UGGT2: variants seen among roughly 807,000 people sequenced by gnomAD.
The protein encoded by UGGT2 is UDP-glucose glycoprotein glucosyltransferase 2, also known as UDP-glucose:glycoprotein glucosyltransferase 2.
Under a neutral mutation model 192.1 loss-of-function variants are expected in UGGT2, and 180 were observed. The observed-to-expected ratio is 0.94, with a 90% CI of 0.83 to 1.06. The LOEUF is 1.06. UGGT2 is among the 50% of genes least tolerant of loss of function. UGGT2 has a pLI of 0.00. For missense variants in UGGT2, 1,849 were observed against 1,795.7 expected (o/e 1.03, Z -0.54); for synonymous variants, 580 against 591.0 (o/e 0.98, Z 0.27).
chr13:95,894,677 A>T lies in UGGT2; in HGVS notation c.2760-20T>A, dbSNP rs1186324205. The T allele has an allele frequency of 1.3e-6, 2 of 1,586,826 alleles. No individual in the cohort carries two copies. The highest frequency in any genetic ancestry group is 4.5e-5 in the East Asian group (2 of 44,598). On this transcript the variant is annotated intron_variant, in intron 23 of 38. Transcript: ENST00000376747. ...CTCATGCTAGATAAACAAGACAAAC[A>T]GTGTATGAGTTTTTTGGAAAGAGTT...
intron 23 of UGGT2, among the ~76,000 whole-genome samples, chr13:95,894,908 A>G (rs940600897): frequency 1.7e-4 from 26 of 152,170 alleles, no homozygotes; most frequent in African/African-American, 5.8e-4. Flanking sequence ...TACAATCTAT[A>G]GGAAAATGGT....
chr13:95,818,236 CCA>C (rs1885114830), intron 38 of UGGT2, among the ~76,000 whole-genome samples: 1 of 152,114 alleles, frequency 6.6e-6, no homozygotes. Flanking sequence ...TTGCTTGAGC[CCA>C]GGAGATCGAG....
intron 36 of UGGT2, among the ~76,000 whole-genome samples, chr13:95,839,624 CAT>C (rs1228689977): frequency 4.6e-5 from 7 of 152,162 alleles, no homozygotes; most frequent in South Asian, 2.1e-4. Flanking sequence ...TGTTTGGACA[CAT>C]GTTTTCAACT....
At chr13:95,821,193 T>C (rs1231431092) in intron 38 of UGGT2, among the ~76,000 whole-genome samples, 3 of 152,126 alleles carry the variant, frequency 2.0e-5, no homozygotes, top group Non-Finnish European at 4.4e-5. Flanking sequence ...TGCACTAATA[T>C]ACAGTCCCAA....
intron 7 of UGGT2, among the ~76,000 whole-genome samples, chr13:95,992,752 T>A (rs537462972): frequency 6.6e-6 from 1 of 152,092 alleles, no homozygotes; most frequent in South Asian, 2.1e-4. Flanking sequence ...AGAATGGCTA[T>A]TATCAAAAAG....
intron 36 of UGGT2, among the ~76,000 whole-genome samples, chr13:95,840,470 A>C (rs541395339): frequency 2.0e-4 from 30 of 152,356 alleles, no homozygotes; most frequent in African/African-American, 6.5e-4. Flanking sequence ...TATTAGAGAA[A>C]TGCAAATCAA....
intron 12 of UGGT2, among the ~76,000 whole-genome samples, chr13:95,968,891 C>G (rs2050676331): frequency 1.3e-5 from 2 of 152,108 alleles, no homozygotes; most frequent in Admixed American, 6.5e-5. Flanking sequence ...TTGGGTTGCT[C>G]ACACCTTGGA....
At chr13:95,889,577 C>T (rs193237420) in intron 25 of UGGT2, among the ~76,000 whole-genome samples, 2 of 152,254 alleles carry the variant, frequency 1.3e-5, no homozygotes, top group Non-Finnish European at 2.9e-5. Flanking sequence ...GTAAAATTTT[C>T]GATATCAGTA....
At chr13:96,044,380 T>C (rs191618834) in intron 1 of UGGT2, among the ~76,000 whole-genome samples, 36 of 152,318 alleles carry the variant, frequency 2.4e-4, no homozygotes, top group East Asian at 2.3e-3. Flanking sequence ...GGAAAGTTCA[T>C]AGCCCTAAAT....
At chr13:96,050,494 G>C (rs141463545) in intron 1 of UGGT2, among the ~76,000 whole-genome samples, 1,688 of 152,200 alleles carry the variant, frequency 0.011, 37 homozygotes, top group African/African-American at 0.038. Flanking sequence ...TCTAATTAAA[G>C]TAAAGAGCAT....
chr13:95,872,648 T>C (rs1891319954), intron 29 of UGGT2, among the ~76,000 whole-genome samples: 1 of 152,142 alleles, frequency 6.6e-6, no homozygotes, highest in Admixed American at 6.6e-5. Context: ...TTATTGTTTA[T>C]AAGTAATACA....
chr13:96,034,438 C>T (rs2052937104), intron 1 of UGGT2, among the ~76,000 whole-genome samples: 1 of 152,190 alleles, frequency 6.6e-6, no homozygotes, highest in Non-Finnish European at 1.5e-5. Flanking sequence ...TGTCTACATG[C>T]CTCATTCTTC....
chr13:95,861,700 A>C, intron 31 of UGGT2, among the ~76,000 whole-genome samples: 1 of 152,180 alleles, frequency 6.6e-6, no homozygotes, highest in East Asian at 1.9e-4. Context: ...TTGGGTAAAC[A>C]ACTTAAATCA....
At chr13:95,960,088 A>G (rs1036039384) in intron 12 of UGGT2, among the ~76,000 whole-genome samples, 1 of 152,234 alleles carries the variant, frequency 6.6e-6, no homozygotes, top group African/African-American at 2.4e-5. Flanking sequence ...AACTAACACC[A>G]TAAATGGTCA....
chr13:95,939,894 G>C (rs1209402195), intron 16 of UGGT2, 63 bp downstream of exon 16: 7 of 1,291,566 alleles, frequency 5.4e-6, no homozygotes, highest in Non-Finnish European at 5.4e-6. Flanking sequence ...CATGAGTAGA[G>C]ATCATGTGGT....
At position 95,854,393 on chromosome 13, in the gene UGGT2, C is replaced by A. The variant is rs142490993; in HGVS notation, c.4091G>T (p.Arg1364Leu). 6.2e-7 allele frequency: 1 copy of A among 1,613,634 alleles called. No homozygotes were observed. The highest frequency in any genetic ancestry group is 1.7e-5 in the Admixed American group (1 of 59,930). ...GAAACGATATCCATCCATTTCCCTG[C>A]GGCTATCACAAAATGGAGTATACCC... ...PYGYTPFCDS[R>L]REMDGYRFWK... Residue 1364 changes from arginine to leucine, a missense_variant, in exon 35 of 39, where the codon CGC becomes CTC. Arg to Leu is a moderately radical substitution (Grantham distance 102). Transcript: ENST00000376747.
At chr13:95,938,085 A>T (rs562414606) in intron 16 of UGGT2, among the ~76,000 whole-genome samples, 2 of 152,312 alleles carry the variant, frequency 1.3e-5, no homozygotes, top group Non-Finnish European at 2.9e-5. Context: ...ATCATGTGAG[A>T]CATGCCTTTC....
At chr13:95,995,167 T>C (rs1484063452) in intron 7 of UGGT2, among the ~76,000 whole-genome samples, 2 of 152,054 alleles carry the variant, frequency 1.3e-5, no homozygotes, top group African/African-American at 2.4e-5. Context: ...AAAGAGCTGT[T>C]ATAATTAGTA....
At chr13:95,938,391 T>C (rs551355721) in intron 16 of UGGT2, among the ~76,000 whole-genome samples, 2 of 152,328 alleles carry the variant, frequency 1.3e-5, no homozygotes, top group South Asian at 4.1e-4. Context: ...TTATCATTAT[T>C]ATAGCCAACA....
Sources: allele counts gnomAD v4.1 joint callset (sites outside exome capture counted in the v4.1 genomes callset), GRCh38; gene constraint gnomAD v4.1.1; transcripts MANE v1.5; gene names NCBI Gene and HGNC (gene_info 2026-07-23, HGNC 2026-07-21).